Variants in LINC00237 observed in about 807,000 individuals in gnomAD.
LINC00237 encodes long independently transcribed non-coding RNA 237, also known as long intergenic non-protein coding RNA 237.
intron 2 of LINC00237, among the ~76,000 whole-genome samples, chr20:21,088,862 A>T (rs2030750219): frequency 6.6e-6 from 1 of 152,186 alleles, no homozygotes; most frequent in Non-Finnish European, 1.5e-5. Context: ...TCCAAAAAAA[A>T]AATCAACATG....
At chr20:21,102,684 C>A (rs1204751871) in intron 1 of LINC00237, among the ~76,000 whole-genome samples, 3 of 139,858 alleles carry the variant, frequency 2.1e-5, no homozygotes, top group African/African-American at 8.2e-5. Flanking sequence ...GGAGTTAATT[C>A]CTATTTTATA....
At chr20:21,086,125 C>T (rs1266163932) in intron 3 of LINC00237, among the ~76,000 whole-genome samples, 1 of 152,198 alleles carries the variant, frequency 6.6e-6, no homozygotes, top group African/African-American at 2.4e-5. Context: ...TTTTATTATA[C>T]TGCACAGCAA....
intron 1 of LINC00237, among the ~76,000 whole-genome samples, chr20:21,105,797 G>C (rs1391384439): frequency 6.6e-6 from 1 of 152,160 alleles, no homozygotes; most frequent in African/African-American, 2.4e-5. Flanking sequence ...TCCGGCTCTC[G>C]CAGGCTTCAT....
intron 1 of LINC00237, among the ~76,000 whole-genome samples, chr20:21,103,772 C>T (rs2030963013): frequency 6.6e-6 from 1 of 152,182 alleles, no homozygotes; most frequent in Non-Finnish European, 1.5e-5. Flanking sequence ...CCGCTGGCGT[C>T]CTGGCACGTC....
intron 1 of LINC00237, among the ~76,000 whole-genome samples, chr20:21,102,456 C>G (rs1568887164): frequency 6.6e-6 from 1 of 152,188 alleles, no homozygotes; most frequent in African/African-American, 2.4e-5. Flanking sequence ...CAGACTAACT[C>G]GCTCCAGGTC....
chr20:21,104,574 G>C (rs766572616), intron 1 of LINC00237, among the ~76,000 whole-genome samples: 8 of 152,234 alleles, frequency 5.3e-5, no homozygotes, highest in Non-Finnish European at 1.0e-4. Flanking sequence ...CAGCCGCTGG[G>C]GGCCCAGGAC....
rs2030925484 is a variant in LINC00237 at position 21,101,117 on chromosome 20, A to G, written n.88+5154T>C. 6.6e-6 allele frequency among the ~76,000 whole-genome samples: 1 copy of G among 152,200 alleles called. No individual in the cohort carries two copies. The highest frequency in any genetic ancestry group is 2.4e-5 in the African/African-American group (1 of 41,446). On this transcript the variant is annotated intron_variant and non_coding_transcript_variant, in intron 1 of 3. Transcript: ENST00000691244. The surrounding 1 kb of genome is among the most constrained non-coding windows in gnomAD (Gnocchi z 4.3). ...AAGGCGAGCAAAACTCCGCGGTTCAACAGCTAAAGAGCAATTTGATGGGGC... is the reference window on the plus strand; with the variant it reads ...AAGGCGAGCAAAACTCCGCGGTTCAGCAGCTAAAGAGCAATTTGATGGGGC...
At chr20:21,103,050 G>T (rs2030954044) in intron 1 of LINC00237, among the ~76,000 whole-genome samples, 1 of 152,216 alleles carries the variant, frequency 6.6e-6, no homozygotes, top group South Asian at 2.1e-4. Flanking sequence ...AGGGCGCATT[G>T]GTGTGCAGAG....
intron 2 of LINC00237, among the ~76,000 whole-genome samples, chr20:21,091,060 CGT>C (rs57771489): frequency 0.023 from 3,352 of 145,574 alleles, 52 homozygotes; most frequent in African/African-American, 0.047. Flanking sequence ...TGTGTGTGTG[CGT>C]GTGTGTGTGT....
At chr20:21,098,169 A>C (rs1467074864) in intron 1 of LINC00237, among the ~76,000 whole-genome samples, 1 of 152,238 alleles carries the variant, frequency 6.6e-6, no homozygotes, top group African/African-American at 2.4e-5. Context: ...TAAAATTAGC[A>C]TGGTTCCCCA....
chr20:21,086,615 A>T (rs2030700212), intron 3 of LINC00237, among the ~76,000 whole-genome samples: 1 of 127,900 alleles, frequency 7.8e-6, no homozygotes, highest in African/African-American at 3.1e-5. Context: ...ATGTATATAT[A>T]GTATACTATA....
At chr20:21,105,999 A>G (rs1464882774) in intron 1 of LINC00237, among the ~76,000 whole-genome samples, 1 of 152,148 alleles carries the variant, frequency 6.6e-6, no homozygotes, top group African/African-American at 2.4e-5. Flanking sequence ...AGAGACTCAG[A>G]GGGGCGCCCC....
At chr20:21,086,954 A>G (rs1428011062) in intron 3 of LINC00237, among the ~76,000 whole-genome samples, 1 of 138,378 alleles carries the variant, frequency 7.2e-6, no homozygotes, top group African/African-American at 2.6e-5. Flanking sequence ...GTATATATGT[A>G]CTATAGTATA....
chr20:21,096,422 C>T (rs933879051), intron 1 of LINC00237, among the ~76,000 whole-genome samples: 3 of 152,160 alleles, frequency 2.0e-5, no homozygotes, highest in African/African-American at 7.2e-5. Flanking sequence ...ATCACTTCTA[C>T]TTGCATGCCA....
At chr20:21,086,961 T>C in intron 3 of LINC00237, among the ~76,000 whole-genome samples, 1 of 138,432 alleles carries the variant, frequency 7.2e-6, no homozygotes, top group East Asian at 2.1e-4. Context: ...TGTACTATAG[T>C]ATATATATAC....
intron 1 of LINC00237, among the ~76,000 whole-genome samples, chr20:21,095,591 C>T (rs978067764): frequency 2.0e-5 from 3 of 152,154 alleles, no homozygotes; most frequent in Non-Finnish European, 4.4e-5. Flanking sequence ...ATTGGATAAA[C>T]CAACCTGGCT....
intron 2 of LINC00237, among the ~76,000 whole-genome samples, chr20:21,091,058 TGC>T (rs1374864085): frequency 6.7e-6 from 1 of 148,704 alleles, no homozygotes; most frequent in African/African-American, 2.6e-5. Flanking sequence ...TGTGTGTGTG[TGC>T]GTGTGTGTGT....
chr20:21,104,618 C>A (rs1203016940), intron 1 of LINC00237, among the ~76,000 whole-genome samples: 1 of 152,242 alleles, frequency 6.6e-6, no homozygotes, highest in Non-Finnish European at 1.5e-5. Context: ...TCCTCTGCCC[C>A]CCACCCTCCA....
chr20:21,088,748 AAC>A (rs997594702), intron 2 of LINC00237, among the ~76,000 whole-genome samples: 5 of 152,212 alleles, frequency 3.3e-5, no homozygotes, highest in African/African-American at 9.6e-5. Flanking sequence ...TTAGAAAAAT[AAC>A]AGTTTCTATC....
Sources: gnomAD v4.1 joint callset for allele counts (sites outside exome capture counted in the v4.1 genomes callset) on GRCh38, gnomAD v4.1.1 for gene constraint, Gnocchi (gnomAD v3.1) non-coding constraint, MANE v1.5 for transcripts, NCBI Gene and HGNC (gene_info 2026-07-23, HGNC 2026-07-21) for gene names.